DYSF: variants seen among roughly 807,000 people sequenced by gnomAD.
DYSF encodes the protein dystrophy-associated fer-1-like 1.
A neutral mutation model predicts 274.9 loss-of-function variants in DYSF; 212 were observed. That is an observed-to-expected ratio of 0.77 (90% CI 0.69 to 0.86). DYSF has a LOEUF of 0.86. Ranked by LOEUF, DYSF falls within the 40% of genes least tolerant of loss-of-function variation. DYSF has a pLI of 0.00. For synonymous variants in DYSF, 1,091 were observed against 1,078.7 expected, an observed-to-expected ratio of 1.01 and a Z score of -0.22; for missense variants, 2,666 against 2,783.2, an observed-to-expected ratio of 0.96 and a Z score of 0.95.
At position 71,666,022 on chromosome 2, in the gene DYSF, T is replaced by C. The variant is rs137909785; in HGVS notation, c.5317+718T>C. ...AAGGTTATAAAAGGGAAATGATGGC[T>C]TTGATGCCCCCATCCCCCACCCCCT... On this transcript the variant is annotated intron_variant, in intron 47 of 55. Coordinates refer to ENST00000410020, the MANE Select transcript of DYSF (RefSeq NM_001130987.2). Among the ~76,000 whole-genome samples the C allele has an allele frequency of 3.3e-3, 503 of 152,000 alleles. 1 individual carries two copies. Among genetic ancestry groups the C allele is most frequent in the Middle Eastern group, 0.027 (8 of 294 alleles).
At chr2:71,669,773 T>C in intron 51 of DYSF, 27 bp downstream of exon 51, 2 of 1,614,108 alleles carry the variant, frequency 1.2e-6, no homozygotes, top group Non-Finnish European at 1.7e-6. Context: ...TTCCCTGTGG[T>C]GCCAGCACCA....
At chr2:71,527,308 G>T (rs548361453) in intron 13 of DYSF, among the ~76,000 whole-genome samples, 14 of 152,256 alleles carry the variant, frequency 9.2e-5, no homozygotes, top group African/African-American at 3.4e-4. Context: ...TGGGTCCCTG[G>T]TTACAACTTT....
chr2:71,644,034 T>A lies in DYSF; in HGVS notation c.4597T>A (p.Tyr1533Asn), dbSNP rs150139276. The part of the protein sequence containing the change: ...SIGEREKCGS[Y>N]LEKDFDTLKV... ...AGGGGAGAGGGAAAAGTGCGGCTCC[T>A]ACCTGGAGAAGGATTTTGACACCCT... Residue 1533 changes from tyrosine (Y) to asparagine (N), a missense_variant, in exon 42 of 56, where the codon TAC (tyrosine) becomes AAC (asparagine). Physicochemically the swap from Tyr to Asn is moderately radical, Grantham distance 143 (BLOSUM62 -2). This residue lies in a region of DYSF where 1,460 missense variants were observed against 1,502.1 expected (regional missense o/e 0.97). Transcript: ENST00000410020. 1 of 1,612,142 alleles carries A rather than the reference T, an allele frequency of 6.2e-7. No individual in the cohort carries two copies. The highest frequency in any genetic ancestry group is 2.2e-5 in the East Asian group (1 of 44,874).
chr2:71,679,287 A>T (rs1266675877), intron 53 of DYSF, 52 bp downstream of exon 53: 1 of 1,575,046 alleles, frequency 6.3e-7, no homozygotes, highest in Non-Finnish European at 8.7e-7. Flanking sequence ...AGCTTCTTCC[A>T]TAGAAATTGT....
chr2:71,635,777 GAA>G (rs145164662), intron 41 of DYSF, among the ~76,000 whole-genome samples: 45,592 of 123,402 alleles, frequency 0.37, 9,359 homozygotes, highest in Non-Finnish European at 0.43. Context: ...AAAGAAAAAA[GAA>G]AAAGAAAAAA....
chr2:71,482,841 G>A (rs2083045732), intron 3 of DYSF, among the ~76,000 whole-genome samples: 1 of 152,146 alleles, frequency 6.6e-6, no homozygotes, highest in African/African-American at 2.4e-5. Flanking sequence ...TGCTTCAAGT[G>A]CCATTTACGG....
At chr2:71,649,340 T>C (rs1244509446) in intron 42 of DYSF, among the ~76,000 whole-genome samples, 2 of 152,036 alleles carry the variant, frequency 1.3e-5, no homozygotes, top group African/African-American at 4.8e-5. Flanking sequence ...TGACATATGA[T>C]AAAATAAATA....
intron 1 of DYSF, among the ~76,000 whole-genome samples, chr2:71,476,306 T>C (rs1276717507): frequency 2.6e-5 from 4 of 152,078 alleles, no homozygotes; most frequent in African/African-American, 4.8e-5. Context: ...AATCCCAGCA[T>C]TTTGGAAGGC....
intron 1 of DYSF, among the ~76,000 whole-genome samples, chr2:71,474,192 C>A (rs1294369066): frequency 1.3e-5 from 2 of 152,198 alleles, no homozygotes; most frequent in South Asian, 4.1e-4. Flanking sequence ...TCCCAAAGTG[C>A]TGGGATTACA....
chr2:71,539,005 G>A, intron 16 of DYSF, 152 bp from the exon 17 acceptor site: 1 of 715,226 alleles, frequency 1.4e-6, no homozygotes, highest in Non-Finnish European at 2.5e-6. Context: ...GGATTACCAG[G>A]CCTCAGTAAC....
chr2:71,527,937 G>C (rs1476947539), intron 13 of DYSF, among the ~76,000 whole-genome samples: 3 of 152,164 alleles, frequency 2.0e-5, no homozygotes, highest in Non-Finnish European at 1.5e-5. Flanking sequence ...ATGTCAACCA[G>C]GCACCAATAA....
At chr2:71,662,095 A>G (rs911680263) in intron 45 of DYSF, among the ~76,000 whole-genome samples, 1 of 152,060 alleles carries the variant, frequency 6.6e-6, no homozygotes, top group African/African-American at 2.4e-5. Context: ...CTGTTTCCCC[A>G]TCTCCCCCCA....
At position 71,602,001 on chromosome 2, in the gene DYSF, C is replaced by T. The variant is rs373557774; in HGVS notation, c.3927+473C>T. Among the ~76,000 whole-genome samples, 295 of 152,334 alleles carry T rather than the reference C, an allele frequency of 1.9e-3. 1 individual carries two copies. Among genetic ancestry groups the T allele is most frequent in the African/African-American group, 6.8e-3 (282 of 41,570 alleles). The stretch of plus-strand genomic sequence containing the variant: ...CCTCCAGGGCCTTCTCACACATGCA[C>T]GAGTTTCAGAAGCCCTGATTCAGAC... On this transcript the variant is annotated intron_variant, in intron 35 of 55. Coordinates refer to ENST00000410020, the MANE Select transcript of DYSF (RefSeq NM_001130987.2).
chr2:71,564,312 G>C (rs1385501959), intron 24 of DYSF, 99 bp downstream of exon 24: 2 of 1,521,936 alleles, frequency 1.3e-6, no homozygotes, highest in East Asian at 2.3e-5. Flanking sequence ...ACCTATCTTA[G>C]TTCTTAGGCT....
At chr2:71,571,023 A>G (rs1459202530) in intron 29 of DYSF, 54 of 475,196 alleles carry the variant, frequency 1.1e-4, no homozygotes, top group East Asian at 7.0e-4. Flanking sequence ...GATCACACTC[A>G]GCACACACAC....
At position 71,600,751 on chromosome 2, in the gene DYSF, G is replaced by A. The variant is rs759192836; in HGVS notation, c.3806G>A (p.Arg1269Gln). 61 of 1,613,904 alleles carry A rather than the reference G, an allele frequency of 3.8e-5. No homozygotes were observed. In the South Asian group the frequency reaches 4.3e-4, roughly 11 times the overall value. Residue 1269 changes from arginine (R) to glutamine (Q), a missense_variant, in exon 34 of 56, where the codon CGG (arginine) becomes CAG (glutamine). Coordinates refer to ENST00000410020, the MANE Select transcript of DYSF (RefSeq NM_001130987.2). ...TGCATCTGTCAACCGAGTCTGGAAC[G>A]GATGCCACGGCTGGCCTGGTTCCCA... is the stretch of plus-strand genomic sequence containing the variant. ...GRCICQPSLE[R>Q]MPRLAWFPLT... is the part of the protein sequence containing the mutation.
chr2:71,586,771 C>A (rs59396160), intron 30 of DYSF, among the ~76,000 whole-genome samples: 4,009 of 152,150 alleles, frequency 0.026, 166 homozygotes, highest in African/African-American at 0.09. Flanking sequence ...GAGGTCCCTG[C>A]AGGCGCTGGG....
At chr2:71,464,296 C>G (rs2081406203), upstream of DYSF, among the ~76,000 whole-genome samples, 1 of 152,344 alleles carries the variant, frequency 6.6e-6, no homozygotes, top group South Asian at 2.1e-4. Flanking sequence ...ACTGAGGAAA[C>G]AGCAGTGGAC....
At chr2:71,620,635 G>A in intron 41 of DYSF, 26 bp downstream of exon 41, 1 of 1,549,648 alleles carries the variant, frequency 6.5e-7, no homozygotes, top group Non-Finnish European at 8.7e-7. Flanking sequence ...TTATTTGTGG[G>A]CTCCTTGTAT....
Sources: allele counts gnomAD v4.1 joint callset (sites outside exome capture counted in the v4.1 genomes callset), GRCh38; gene constraint gnomAD v4.1.1; regional missense constraint gnomAD v4.1.1; transcripts MANE v1.5; gene names NCBI Gene and HGNC (gene_info 2026-07-23, HGNC 2026-07-21).